Variants in SDC2 observed in about 807,000 individuals in gnomAD.
SDC2 encodes syndecan-2.
SDC2 carries 13 observed loss-of-function variants against 22.2 expected under a neutral mutation model. The ratio of observed to expected loss-of-function variants is 0.59; its 90% CI spans 0.38 to 0.93. The LOEUF is 0.93. SDC2 is among the 40% of genes least tolerant of loss of function. SDC2 has a pLI of 0.00. For synonymous variants in SDC2, 94 were observed against 92.8 expected (o/e 1.01, Z -0.07); for missense variants, 235 against 246.8 (o/e 0.95, Z 0.32).
intron 4 of SDC2, 119 bp from the exon 5 acceptor site, chr8:96,609,266 T>A (rs933612262): frequency 4.3e-5 from 33 of 765,906 alleles, no homozygotes; most frequent in South Asian, 9.4e-5. Flanking sequence ...GCTTTTTTTT[T>A]ATTGGGGTTT....
At chr8:96,546,366 G>A (rs1263627708) in intron 1 of SDC2, among the ~76,000 whole-genome samples, 1 of 152,168 alleles carries the variant, frequency 6.6e-6, no homozygotes, top group Non-Finnish European at 1.5e-5. Context: ...TTTAGGATAA[G>A]ATGATTTAGT....
In SDC2 at chr8:96,609,998, T is replaced by G. The variant is rs1395111784; in HGVS notation, c.*450T>G. ...GCCCTTAAAACCAAACCCTATGCCT[T>G]TTGTAGCTGTCATGGTGCAATTTGT... On this transcript the variant is annotated 3_prime_UTR_variant, in exon 5 of 5. Coordinates refer to ENST00000302190, the MANE Select transcript of SDC2 (RefSeq NM_002998.4). The G allele has an allele frequency of 6.5e-6, 1 of 152,968 alleles. No individual in the cohort carries two copies. The highest frequency in any genetic ancestry group is 1.5e-5 in the Non-Finnish European group (1 of 68,292). 9.5% of individuals were successfully genotyped at this position (152,968 alleles called of 1,614,324 possible). A position where few individuals can be genotyped will look rare whatever the true frequency, so the allele number is the denominator to read the frequency against.
chr8:96,524,611 C>G (rs1199216747), intron 1 of SDC2, among the ~76,000 whole-genome samples: 1 of 152,148 alleles, frequency 6.6e-6, no homozygotes, highest in East Asian at 1.9e-4. Flanking sequence ...CAGTGGGTTT[C>G]TTTGTCCTAG....
At chr8:96,607,239 G>A (rs1815096718) in intron 3 of SDC2, among the ~76,000 whole-genome samples, 1 of 152,046 alleles carries the variant, frequency 6.6e-6, no homozygotes, top group African/African-American at 2.4e-5. Flanking sequence ...TCTACTGGGA[G>A]TAAGTGGTGG....
chr8:96,566,817 G>A (rs975412130), intron 1 of SDC2, among the ~76,000 whole-genome samples: 1 of 151,836 alleles, frequency 6.6e-6, no homozygotes, highest in African/African-American at 2.4e-5. Context: ...AGGGGGGTGT[G>A]GTTATGTGTT....
intron 1 of SDC2, among the ~76,000 whole-genome samples, chr8:96,516,874 A>G (rs1336051395): frequency 2.6e-5 from 4 of 152,162 alleles, no homozygotes. Flanking sequence ...ATTAGGAGTA[A>G]TGCCGCCATA....
chr8:96,595,602 C>G (rs190484704), intron 2 of SDC2, among the ~76,000 whole-genome samples: 1 of 152,080 alleles, frequency 6.6e-6, no homozygotes, highest in East Asian at 1.9e-4. Flanking sequence ...TCCTACTTCG[C>G]AGATCTTAGA....
chr8:96,508,323 TA>T (rs1813276759), intron 1 of SDC2, among the ~76,000 whole-genome samples: 1 of 143,064 alleles, frequency 7.0e-6, no homozygotes. Flanking sequence ...ATAATAATAA[TA>T]ATAATAATAA....
At chr8:96,537,169 A>C (rs551029398) in intron 1 of SDC2, 3 of 152,240 alleles carry the variant, frequency 2.0e-5, no homozygotes, top group Non-Finnish European at 4.4e-5. Flanking sequence ...ATTTTGAGCA[A>C]TTTTAGGGGG....
intron 1 of SDC2, among the ~76,000 whole-genome samples, chr8:96,525,709 A>G (rs750297811): frequency 5.3e-5 from 8 of 152,082 alleles, no homozygotes; most frequent in Non-Finnish European, 1.2e-4. Context: ...CCAAGTCTTT[A>G]TTGATCTCCG....
chr8:96,552,459 TATATC>T (rs2130540671), intron 1 of SDC2, among the ~76,000 whole-genome samples: 1 of 152,312 alleles, frequency 6.6e-6, no homozygotes, highest in Admixed American at 6.5e-5. Context: ...GGAAAGGAAA[TATATC>T]ATGCTGCAGT....
chr8:96,494,007 A>G lies in SDC2; in HGVS notation c.-265A>G. 1 of 523,452 alleles carries G rather than the reference A, an allele frequency of 1.9e-6. No homozygotes were observed. 32.4% of individuals were successfully genotyped at this position (523,452 alleles called of 1,614,324 possible). A position where few individuals can be genotyped will look rare whatever the true frequency, so the allele number is the denominator to read the frequency against. On this transcript the variant is annotated 5_prime_UTR_variant, in exon 1 of 5. Coordinates refer to ENST00000302190, the MANE Select transcript of SDC2 (RefSeq NM_002998.4). ...GAGCTTCAGAGAGCAGCCTTCCCGGAGCACCAACTCCGTGTCGGGAGTGCA... is the reference window on the plus strand; with the variant it reads ...GAGCTTCAGAGAGCAGCCTTCCCGGGGCACCAACTCCGTGTCGGGAGTGCA...
At chr8:96,572,725 G>A (rs937628605) in intron 1 of SDC2, among the ~76,000 whole-genome samples, 1 of 152,152 alleles carries the variant, frequency 6.6e-6, no homozygotes, top group Non-Finnish European at 1.5e-5. Context: ...CATTTCTATA[G>A]GATCACTGTT....
intron 1 of SDC2, among the ~76,000 whole-genome samples, chr8:96,562,841 G>T (rs185443466): frequency 6.6e-6 from 1 of 152,244 alleles, no homozygotes; most frequent in East Asian, 1.9e-4. Context: ...TGGGGACTTG[G>T]ATGGTTCTCC....
chr8:96,508,126 C>T (rs936108368), intron 1 of SDC2, among the ~76,000 whole-genome samples: 19 of 152,216 alleles, frequency 1.2e-4, no homozygotes, highest in Non-Finnish European at 2.4e-4. Context: ...GAAACGCCAT[C>T]TCTACTAAAA....
intron 2 of SDC2, among the ~76,000 whole-genome samples, chr8:96,593,854 T>G (rs1814827647): frequency 6.6e-6 from 1 of 152,198 alleles, no homozygotes; most frequent in African/African-American, 2.4e-5. Context: ...TTGTGAGGAT[T>G]AAAAGGGAGT....
intron 1 of SDC2, among the ~76,000 whole-genome samples, chr8:96,568,835 A>G (rs1289422516): frequency 6.6e-6 from 1 of 152,172 alleles, no homozygotes; most frequent in African/African-American, 2.4e-5. Context: ...GTAAATGGGG[A>G]ACTGTTCATC....
chr8:96,521,060 G>A (rs760633323), intron 1 of SDC2, among the ~76,000 whole-genome samples: 2 of 152,156 alleles, frequency 1.3e-5, no homozygotes, highest in Non-Finnish European at 2.9e-5. Context: ...TAGGTGACTT[G>A]CCCAAGGAGA....
intron 3 of SDC2, 101 bp from the exon 4 acceptor site, chr8:96,608,234 C>A (rs1387872684): frequency 1.9e-5 from 20 of 1,079,510 alleles, no homozygotes; most frequent in Admixed American, 9.8e-5. Flanking sequence ...TAAACTCATT[C>A]TTTGGGGGAA....
Sources: allele counts gnomAD v4.1 joint callset (sites outside exome capture counted in the v4.1 genomes callset), GRCh38; gene constraint gnomAD v4.1.1; transcripts MANE v1.5; gene names NCBI Gene and HGNC (gene_info 2026-07-23, HGNC 2026-07-21).